SAMM50: variants seen among roughly 807,000 people sequenced by gnomAD.
The protein encoded by SAMM50 is sorting and assembly machinery component 50 homolog.
Under a neutral mutation model 66.9 loss-of-function variants are expected in SAMM50, and 47 were observed. The observed-to-expected ratio is 0.70, with a 90% CI of 0.56 to 0.90. The LOEUF is 0.90. SAMM50 is among the 40% of genes least tolerant of loss of function. SAMM50 has a pLI of 0.00. For synonymous variants in SAMM50, 191 were observed against 214.1 expected, an observed-to-expected ratio of 0.89 and a Z score of 0.94; for missense variants, 535 against 595.3, an observed-to-expected ratio of 0.90 and a Z score of 1.05.
At chr22:43,989,906 G>A (rs1251463702) in intron 13 of SAMM50, among the ~76,000 whole-genome samples, 1 of 152,208 alleles carries the variant, frequency 6.6e-6, no homozygotes, top group Non-Finnish European at 1.5e-5. Flanking sequence ...AGATGCCTGG[G>A]TGCTAGGGGT....
chr22:43,971,657 A>C (rs1189378775), intron 4 of SAMM50, among the ~76,000 whole-genome samples: 1 of 152,156 alleles, frequency 6.6e-6, no homozygotes, highest in Non-Finnish European at 1.5e-5. Context: ...TAAGTGAATA[A>C]TGCTGCTTAT....
chr22:43,980,545 G>T (rs908064195), intron 10 of SAMM50, among the ~76,000 whole-genome samples: 1 of 151,886 alleles, frequency 6.6e-6, no homozygotes, highest in African/African-American at 2.4e-5. Context: ...GTAGTGGCAG[G>T]AGGGCCTTGG....
chr22:43,973,427 C>T, intron 7 of SAMM50, 104 bp downstream of exon 7: 1 of 699,660 alleles, frequency 1.4e-6, no homozygotes, highest in African/African-American at 1.8e-5. Context: ...AGCACAGGCC[C>T]TCTGCCCTCC....
intron 3 of SAMM50, among the ~76,000 whole-genome samples, chr22:43,966,031 G>A (rs1032434416): frequency 3.9e-5 from 6 of 152,112 alleles, no homozygotes; most frequent in Admixed American, 1.3e-4. Context: ...TGTAGAGACG[G>A]GGTTTTGCCA....
intron 6 of SAMM50, 87 bp from the exon 7 acceptor site, chr22:43,973,149 G>A (rs1157115410): frequency 6.1e-6 from 8 of 1,316,762 alleles, no homozygotes; most frequent in African/African-American, 1.5e-5. Context: ...TGAGCCCTAC[G>A]GGCGTAGTGT....
At chr22:43,985,117 AGTGT>A (rs765987937) in intron 12 of SAMM50, among the ~76,000 whole-genome samples, 2 of 151,872 alleles carry the variant, frequency 1.3e-5, no homozygotes, top group Non-Finnish European at 2.9e-5. Flanking sequence ...CAAAAAGTAC[AGTGT>A]TCCCGTATAA....
chr22:43,959,018 C>CTTTTTTTTT (rs11337908), intron 1 of SAMM50, among the ~76,000 whole-genome samples: 1 of 112,660 alleles, frequency 8.9e-6, no homozygotes, highest in Non-Finnish European at 1.8e-5. Flanking sequence ...TTTCAGTTTT[C>CTTTTTTTTT]TTTTTTTTTT....
intron 7 of SAMM50, 73 bp from the exon 8 acceptor site, chr22:43,975,982 A>C (rs1569030104): frequency 6.8e-7 from 1 of 1,481,118 alleles, no homozygotes; most frequent in East Asian, 2.3e-5. Context: ...ATGATGCTTC[A>C]TTCCAAAAAA....
intron 1 of SAMM50, among the ~76,000 whole-genome samples, chr22:43,961,559 C>T (rs62228003): frequency 6.6e-6 from 1 of 152,132 alleles, no homozygotes; most frequent in Admixed American, 6.5e-5. Flanking sequence ...AAGCGATTCT[C>T]CTGCCTTACC....
intron 7 of SAMM50, among the ~76,000 whole-genome samples, chr22:43,974,209 A>G (rs2050219381): frequency 6.6e-6 from 1 of 152,012 alleles, no homozygotes; most frequent in Non-Finnish European, 1.5e-5. Context: ...CTCCACCTTG[A>G]GCTGCCAAGT....
At chr22:43,960,715 C>A (rs1206387422) in intron 1 of SAMM50, among the ~76,000 whole-genome samples, 5 of 152,056 alleles carry the variant, frequency 3.3e-5, no homozygotes, top group Non-Finnish European at 7.4e-5. Flanking sequence ...GGCCACAGAG[C>A]AAGACTCTGT....
At chr22:43,976,266 A>G in intron 8 of SAMM50, 83 bp downstream of exon 8, 1 of 1,496,514 alleles carries the variant, frequency 6.7e-7, no homozygotes, top group African/African-American at 1.4e-5. Flanking sequence ...TGCCAATATC[A>G]GGGCTGACTG....
At chr22:43,972,477 G>A in intron 5 of SAMM50, 135 bp downstream of exon 5, 1 of 550,896 alleles carries the variant, frequency 1.8e-6, no homozygotes, top group South Asian at 3.4e-5. Flanking sequence ...GTTATTTGTG[G>A]TTTCTCTTTA....
At chr22:43,962,696 G>T (rs1245512415) in intron 1 of SAMM50, among the ~76,000 whole-genome samples, 1 of 152,052 alleles carries the variant, frequency 6.6e-6, no homozygotes, top group East Asian at 1.9e-4. Context: ...TAAAAATTAG[G>T]ATGCTTTCTG....
At chr22:43,990,991 T>G (rs2050321553) in intron 14 of SAMM50, among the ~76,000 whole-genome samples, 1 of 151,954 alleles carries the variant, frequency 6.6e-6, no homozygotes, top group African/African-American at 2.4e-5. Flanking sequence ...TTTTTTTTTT[T>G]TTTGAGACAG....
Position 43,983,718 on chromosome 22 carries a change from C to T in SAMM50, c.1008-215C>T, listed in dbSNP as rs2050276143. Among the ~76,000 whole-genome samples, 1 of 152,178 alleles carries T rather than the reference C, an allele frequency of 6.6e-6. No homozygotes were observed. Among genetic ancestry groups the T allele is most frequent in the African/African-American group, 2.4e-5 (1 of 41,436 alleles). On this transcript the variant is annotated intron_variant, in intron 11 of 14. Coordinates refer to ENST00000350028, the MANE Select transcript of SAMM50 (RefSeq NM_015380.5). This position sits in a 1 kb window ranked among gnomAD's most constrained non-coding sequence, Gnocchi z 4.2. ...GCATCTTGTGTCTCACCTGCATCTC[C>T]AAAGTTTGCAGTGTCTCCTTAGATG...
intron 8 of SAMM50, 37 bp from the exon 9 acceptor site, chr22:43,976,713 C>G (rs2050234402): frequency 6.6e-7 from 1 of 1,520,844 alleles, no homozygotes. Context: ...AATAGAACTT[C>G]TTAAAGTGAA....
intron 3 of SAMM50, among the ~76,000 whole-genome samples, chr22:43,966,618 A>C (rs745985292): frequency 2.0e-5 from 3 of 152,154 alleles, no homozygotes; most frequent in Non-Finnish European, 4.4e-5. Context: ...GGCCTGCCAG[A>C]GTGCTGGGAT....
At chr22:43,981,210 G>A (rs962029041) in intron 10 of SAMM50, among the ~76,000 whole-genome samples, 181 bp from the exon 11 acceptor site, 5 of 152,218 alleles carry the variant, frequency 3.3e-5, no homozygotes, top group African/African-American at 9.6e-5. Context: ...TAGAATCCAC[G>A]TGGCCCTTCG....
Sources: allele counts gnomAD v4.1 joint callset (sites outside exome capture counted in the v4.1 genomes callset), GRCh38; gene constraint gnomAD v4.1.1; non-coding constraint Gnocchi (gnomAD v3.1); transcripts MANE v1.5; gene names NCBI Gene and HGNC (gene_info 2026-07-23, HGNC 2026-07-21).